Variants in CRB1 observed in about 807,000 individuals in gnomAD.
CRB1 encodes protein crumbs homolog 1.
A neutral mutation model predicts 120.0 loss-of-function variants in CRB1; 83 were observed. That is an observed-to-expected ratio of 0.69 (90% confidence interval 0.58 to 0.83). The LOEUF is 0.83. Ranked by LOEUF, CRB1 falls within the 40% of genes least tolerant of loss-of-function variation. The pLI is 0.00. For missense variants in CRB1, 1,699 were observed against 1,687.6 expected, an observed-to-expected ratio of 1.01 and a Z score of -0.12; for synonymous variants, 625 against 612.5, an observed-to-expected ratio of 1.02 and a Z score of -0.30.
At chr1:197,252,961 A>G in the CRB1 span, among the ~76,000 whole-genome samples, 1 of 151,950 alleles carries the variant, frequency 6.6e-6, no homozygotes, top group Non-Finnish European at 1.5e-5. Flanking sequence ...ATCAATTCAA[A>G]TGCTAATCCC....
At chr1:197,473,659 TG>T (rs1254177105) in intron 11 of CRB1, among the ~76,000 whole-genome samples, 1 of 152,050 alleles carries the variant, frequency 6.6e-6, no homozygotes, top group Non-Finnish European at 1.5e-5. Context: ...ATAATTAATT[TG>T]GGGTATGTCT....
intron 8 of CRB1, among the ~76,000 whole-genome samples, chr1:197,432,492 T>C (rs1047334994): frequency 6.6e-6 from 1 of 152,056 alleles, no homozygotes; most frequent in Non-Finnish European, 1.5e-5. Context: ...TTTCTCCTGC[T>C]GTGGTTTCTA....
In CRB1 at chr1:197,304,986, G is replaced by A. The variant is rs75936674; in HGVS notation, c.71-23436G>A. On this transcript the variant is annotated intron_variant, in intron 1 of 11. Coordinates refer to ENST00000367400, the MANE Select transcript of CRB1 (RefSeq NM_201253.3). The stretch of plus-strand genomic sequence containing the variant: ...CAGCCTGAGAGTTCTGTAGTGTTCT[G>A]TTAGTCATTACTGGAAGGCCCTGCA... Among the ~76,000 whole-genome samples, 4 of 152,260 alleles carry A rather than the reference G, an allele frequency of 2.6e-5. No homozygotes were observed. The East Asian group carries it at 7.7e-4, about 29-fold the overall frequency.
At chr1:197,286,925 T>C (rs916402814) in intron 1 of CRB1, among the ~76,000 whole-genome samples, 2 of 151,956 alleles carry the variant, frequency 1.3e-5, no homozygotes, top group African/African-American at 2.4e-5. Context: ...AAAAACTATT[T>C]TGAATTCTAT....
intron 1 of CRB1, among the ~76,000 whole-genome samples, chr1:197,277,436 T>G (rs1571751693): frequency 6.6e-6 from 1 of 152,130 alleles, no homozygotes; most frequent in East Asian, 1.9e-4. Context: ...ACAATTCAGT[T>G]TGCTTTGCAC....
intron 8 of CRB1, 149 bp downstream of exon 8, chr1:197,429,763 T>C (rs1428860509): frequency 9.8e-6 from 8 of 820,286 alleles, no homozygotes; most frequent in Non-Finnish European, 1.5e-5. Context: ...TAATACTGAC[T>C]GGCCTCTTGC....
intron 5 of CRB1, among the ~76,000 whole-genome samples, chr1:197,418,786 G>A (rs1183989056): frequency 1.3e-5 from 2 of 152,138 alleles, no homozygotes; most frequent in Non-Finnish European, 2.9e-5. Context: ...ACTATGCTAT[G>A]TTTTAGACAT....
In CRB1 at chr1:197,322,209, G is replaced by A. The variant is rs148069741; in HGVS notation, c.71-6213G>A. Among the ~76,000 whole-genome samples, 19 of 152,162 alleles carry A rather than the reference G, an allele frequency of 1.2e-4. No homozygotes were observed. In the South Asian group the frequency reaches 2.7e-3, roughly 22 times the overall value. On this transcript the variant is annotated intron_variant, in intron 1 of 11. Coordinates refer to ENST00000367400, the MANE Select transcript of CRB1 (RefSeq NM_201253.3). Reference sequence around the variant, plus strand: ...AATAGTTTTTACACTGGCCAGGTACGGTGGCTCATGCCTGTAATCCCAGCA... The same window carrying A: ...AATAGTTTTTACACTGGCCAGGTACAGTGGCTCATGCCTGTAATCCCAGCA...
At chr1:197,264,613 CTTTTT>C (rs750805262), upstream of CRB1, among the ~76,000 whole-genome samples, 1 of 131,056 alleles carries the variant, frequency 7.6e-6, no homozygotes, top group Non-Finnish European at 1.7e-5. Context: ...GTGCATTCTT[CTTTTT>C]TTTTTTTTTT....
chr1:197,226,207 T>C, the CRB1 span, among the ~76,000 whole-genome samples: 26 of 152,196 alleles, frequency 1.7e-4, no homozygotes, highest in Admixed American at 1.3e-3. Flanking sequence ...CTGCACCCAA[T>C]TGATGTGATT....
intron 2 of CRB1, among the ~76,000 whole-genome samples, chr1:197,331,230 C>T (rs1265861380): frequency 6.6e-6 from 1 of 152,054 alleles, no homozygotes; most frequent in Non-Finnish European, 1.5e-5. Flanking sequence ...GCTTAATCAA[C>T]TGTTACTAAA....
intron 7 of CRB1, among the ~76,000 whole-genome samples, chr1:197,428,293 T>G (rs1303886929): frequency 6.6e-6 from 1 of 152,228 alleles, no homozygotes; most frequent in Non-Finnish European, 1.5e-5. Context: ...TAATAATATT[T>G]CAATTCCTAA....
chr1:197,322,268 A>G (rs1571836566), intron 1 of CRB1, among the ~76,000 whole-genome samples: 1 of 151,908 alleles, frequency 6.6e-6, no homozygotes, highest in Non-Finnish European at 1.5e-5. Flanking sequence ...ATCACTTGAA[A>G]CCAGGAGTTC....
At chr1:197,365,503 G>C (rs76525521) in intron 5 of CRB1, among the ~76,000 whole-genome samples, 5,841 of 152,144 alleles carry the variant, frequency 0.038, 318 homozygotes, top group African/African-American at 0.11. Context: ...TCTGGGGAGG[G>C]GGGGAGAAGG....
At position 197,325,587 on chromosome 1, in the gene CRB1, A is replaced by T. The variant is rs533625035; in HGVS notation, c.71-2835A>T. ...CTTTACACGTTTGGAAAATTACTCA[A>T]TTTTTTTTCAAATAACGCCAACCAT... On this transcript the variant is annotated intron_variant, in intron 1 of 11. Transcript: ENST00000367400. Among the ~76,000 whole-genome samples, 4 of 152,042 alleles carry T rather than the reference A, an allele frequency of 2.6e-5. No homozygotes were observed. The East Asian group carries it at 5.8e-4, about 22-fold the overall frequency.
At chr1:197,363,730 T>A (rs1457645773) in intron 5 of CRB1, 2 of 516,454 alleles carry the variant, frequency 3.9e-6, no homozygotes, top group African/African-American at 3.8e-5. Context: ...GTTGGCATCC[T>A]GTGGTGCCTC....
intron 11 of CRB1, among the ~76,000 whole-genome samples, chr1:197,457,207 C>T (rs768484390): frequency 2.5e-4 from 38 of 152,158 alleles, no homozygotes; most frequent in Non-Finnish European, 4.3e-4. Context: ...ACGCCTCTAT[C>T]ATAGCATCGT....
the CRB1 span, among the ~76,000 whole-genome samples, chr1:197,257,721 AT>A: frequency 6.6e-6 from 1 of 151,946 alleles, no homozygotes; most frequent in Non-Finnish European, 1.5e-5. Context: ...ATGAAACCTC[AT>A]TTTTTCCATG....
At chr1:197,324,753 A>G (rs1199815833) in intron 1 of CRB1, among the ~76,000 whole-genome samples, 2 of 152,182 alleles carry the variant, frequency 1.3e-5, no homozygotes, top group African/African-American at 4.8e-5. Context: ...CATTTTCTTT[A>G]GTAATCAGGA....
Sources: allele counts gnomAD v4.1 joint callset (sites outside exome capture counted in the v4.1 genomes callset), GRCh38; gene constraint gnomAD v4.1.1; transcripts MANE v1.5; gene names NCBI Gene and HGNC (gene_info 2026-07-23, HGNC 2026-07-21).